TMEM130: variants seen among roughly 807,000 people sequenced by gnomAD.
The protein encoded by TMEM130 is transmembrane protein 130.
TMEM130 carries 37 observed loss-of-function variants against 42.9 expected under a neutral mutation model. That is an observed-to-expected ratio of 0.86 (90% CI 0.66 to 1.13). The LOEUF is 1.13. Ranked by LOEUF, TMEM130 falls within the 50% of genes most tolerant of loss-of-function variation. The pLI is 0.00. For missense variants in TMEM130, 545 were observed against 562.6 expected (o/e 0.97, Z 0.32); for synonymous variants, 259 against 237.7 (o/e 1.09, Z -0.82).
intron 3 of TMEM130, among the ~76,000 whole-genome samples, chr7:98,858,812 A>G (rs1794690966): frequency 6.6e-6 from 1 of 151,932 alleles, no homozygotes; most frequent in Non-Finnish European, 1.5e-5. Context: ...TAATCACACC[A>G]CTGTACTCTA....
chr7:98,851,358 G>A, intron 6 of TMEM130, 63 bp downstream of exon 6: 1 of 1,536,566 alleles, frequency 6.5e-7, no homozygotes, highest in Non-Finnish European at 9.0e-7. Flanking sequence ...TGGTGGTGGT[G>A]GCAGGATGGA....
intron 2 of TMEM130, among the ~76,000 whole-genome samples, 159 bp downstream of exon 2, chr7:98,862,936 G>C (rs1554400004): frequency 6.6e-6 from 1 of 152,212 alleles, no homozygotes; most frequent in African/African-American, 2.4e-5. Context: ...GCCATTTTCA[G>C]ATCCTTTCTA....
intron 6 of TMEM130, among the ~76,000 whole-genome samples, chr7:98,849,990 A>G (rs1386770953): frequency 6.6e-6 from 1 of 151,980 alleles, no homozygotes; most frequent in Non-Finnish European, 1.5e-5. Flanking sequence ...GGCTGGGCCG[A>G]TGATAGTTTT....
Position 98,869,178 on chromosome 7 carries a change from C to G in TMEM130, c.85+599G>C. Reference sequence around the variant, plus strand: ...GGGCAGTAGACACACAACCCTGCTTCCCCCACTCCCCCACCCACACACACA... The same window carrying G: ...GGGCAGTAGACACACAACCCTGCTTGCCCCACTCCCCCACCCACACACACA... On this transcript the variant is annotated intron_variant, in intron 1 of 7. Transcript: ENST00000339375. The surrounding 1 kb of genome is among the most constrained non-coding windows in gnomAD (Gnocchi z 4.7). 7.8e-7 allele frequency: 1 copy of G among 1,283,664 alleles called. No homozygotes were observed. The highest frequency in any genetic ancestry group is 1.0e-6 in the Non-Finnish European group (1 of 986,350). The allele number at this position is 1,283,664 out of a possible 1,614,324, so 79.5% of individuals were successfully genotyped here.
Position 98,863,353 on chromosome 7 carries a change from C to T in TMEM130, c.133G>A (p.Ala45Thr), listed in dbSNP as rs1383593203. 1 of 1,607,424 alleles carries T rather than the reference C, an allele frequency of 6.2e-7. No homozygotes were observed. Among genetic ancestry groups the T allele is most frequent in the Non-Finnish European group, 8.5e-7 (1 of 1,178,676 alleles). The change falls in exon 2 of 8, where the codon GCG (alanine) becomes ACG (threonine). Residue 45 changes from alanine to threonine, a missense_variant. Coordinates refer to ENST00000339375, the MANE Select transcript of TMEM130 (RefSeq NM_152913.3). ...AGGCTGGCCGAGATGGTCACCACCG[C>T]TCCCGTGGTGGCAGGGCTATCGGTG... Reference protein sequence around the residue: ...LTTDSPATTGAVVTISASLVA... With the variant: ...LTTDSPATTGTVVTISASLVA...
chr7:98,851,379 C>T, intron 6 of TMEM130, 42 bp downstream of exon 6: 2 of 1,598,674 alleles, frequency 1.3e-6, no homozygotes, highest in Non-Finnish European at 1.7e-6. Context: ...CAGGCTTGTG[C>T]TGCCCATGTG....
At chr7:98,855,893 T>C (rs1036030724) in intron 4 of TMEM130, 124 bp downstream of exon 4, 1 of 1,120,750 alleles carries the variant, frequency 8.9e-7, no homozygotes, top group African/African-American at 1.6e-5. Flanking sequence ...TGATAGACGC[T>C]CCTCAGAGGT....
chr7:98,859,337 G>A (rs1554399432), intron 3 of TMEM130, among the ~76,000 whole-genome samples: 1 of 152,150 alleles, frequency 6.6e-6, no homozygotes, highest in African/African-American at 2.4e-5. Context: ...CAGAGCACCT[G>A]GGTTCTACCT....
In TMEM130 at chr7:98,847,526, G is replaced by C. The variant is rs1421500226; in HGVS notation, c.*530C>G. 1 of 152,046 alleles carries C rather than the reference G, an allele frequency of 6.6e-6. No homozygotes were observed. The highest frequency in any genetic ancestry group is 2.4e-5 in the African/African-American group (1 of 41,126). 9.4% of individuals were successfully genotyped at this position (152,046 alleles called of 1,614,324 possible). On this transcript the variant is annotated 3_prime_UTR_variant, in exon 8 of 8. Coordinates refer to ENST00000339375, the MANE Select transcript of TMEM130 (RefSeq NM_152913.3). ...TTTCTGTGTGTGTGTGTGTGTGTGT[G>C]TGTGTGTGTGTGTGTGGTGTGTGTA...
intron 6 of TMEM130, 69 bp downstream of exon 6, chr7:98,851,351 TG>T: frequency 6.7e-7 from 1 of 1,496,510 alleles, no homozygotes; most frequent in Non-Finnish European, 9.3e-7. Flanking sequence ...AGCGTATTGG[TG>T]GTGGTGGCAG....
intron 6 of TMEM130, among the ~76,000 whole-genome samples, chr7:98,850,273 A>ATATATATTTTTTTTT: frequency 8.5e-5 from 3 of 35,452 alleles, no homozygotes; most frequent in Non-Finnish European, 1.3e-4. Flanking sequence ...ATATATATAT[A>ATATATATTTTTTTTT]TTTTTTTTTT....
At chr7:98,851,388 T>G (rs1794500918) in intron 6 of TMEM130, 33 bp downstream of exon 6, 1 of 1,608,554 alleles carries the variant, frequency 6.2e-7, no homozygotes. Flanking sequence ...GCTGCCCATG[T>G]GGCACTGGAG....
chr7:98,850,269 A>AT (rs1244635646), intron 6 of TMEM130, among the ~76,000 whole-genome samples: 3,832 of 29,808 alleles, frequency 0.13, 149 homozygotes, highest in African/African-American at 0.15. Flanking sequence ...ATATATATAT[A>AT]TATATTTTTT....
chr7:98,847,337 A>T lies in TMEM130; in HGVS notation c.*719T>A, dbSNP rs1287725872. The T allele has an allele frequency of 6.6e-6, 1 of 152,324 alleles. No individual in the cohort carries two copies. The highest frequency in any genetic ancestry group is 2.1e-4 in the South Asian group (1 of 4,836). The allele number at this position is 152,324 out of a possible 1,614,324, so 9.4% of individuals were successfully genotyped here. ...GGATGGCCTTATAAAGGGCGCAAGA[A>T]CTGCAGAGACAAAGCACAAAGGGAG... On this transcript the variant is annotated 3_prime_UTR_variant, in exon 8 of 8. Transcript: ENST00000339375.
intron 6 of TMEM130, among the ~76,000 whole-genome samples, chr7:98,850,557 G>A (rs1295838210): frequency 6.6e-6 from 1 of 151,472 alleles, no homozygotes; most frequent in African/African-American, 2.4e-5. Context: ...GCAATTACAG[G>A]CACGAGCCAC....
At chr7:98,850,667 G>A (rs541204395) in intron 6 of TMEM130, among the ~76,000 whole-genome samples, 2 of 152,092 alleles carry the variant, frequency 1.3e-5, no homozygotes, top group South Asian at 4.1e-4. Flanking sequence ...ACCCGCCTCA[G>A]CCTCCCAGAG....
intron 1 of TMEM130, among the ~76,000 whole-genome samples, chr7:98,863,895 A>ACT (rs1217239468): frequency 3.0e-5 from 3 of 101,050 alleles, no homozygotes; most frequent in Non-Finnish European, 2.0e-5. Flanking sequence ...TCTCTCTCTC[A>ACT]CTCTCTCTCT....
intron 6 of TMEM130, among the ~76,000 whole-genome samples, chr7:98,850,892 G>T (rs782204269): frequency 1.4e-4 from 21 of 152,172 alleles, no homozygotes; most frequent in Admixed American, 2.6e-4. Flanking sequence ...TTGTGCTGGG[G>T]ACGTGTGGTC....
At chr7:98,858,202 A>G (rs1276692791) in intron 3 of TMEM130, among the ~76,000 whole-genome samples, 2 of 151,978 alleles carry the variant, frequency 1.3e-5, no homozygotes, top group African/African-American at 4.8e-5. Flanking sequence ...TTGATATTAC[A>G]TTGAATGTTC....
Sources: gnomAD v4.1 joint callset for allele counts (sites outside exome capture counted in the v4.1 genomes callset) on GRCh38, gnomAD v4.1.1 for gene constraint, Gnocchi (gnomAD v3.1) non-coding constraint, MANE v1.5 for transcripts, NCBI Gene and HGNC (gene_info 2026-07-23, HGNC 2026-07-21) for gene names.